The following BMP1 variants were observed in gnomAD, a reference collection of about 807,000 sequenced individuals.
BMP1 encodes bone morphogenetic protein 1.
A neutral mutation model predicts 116.8 loss-of-function variants in BMP1; 63 were observed. The observed-to-expected ratio is 0.54, with a 90% CI of 0.44 to 0.67. BMP1 has a LOEUF of 0.67. Ranked by LOEUF, BMP1 falls within the 30% of genes least tolerant of loss-of-function variation. The probability of loss-of-function intolerance (pLI) is 0.00; values close to 1 mark genes in which losing one functional copy is unlikely to be tolerated. For missense variants in BMP1, 1,183 were observed against 1,358.9 expected, an observed-to-expected ratio of 0.87 and a Z score of 2.04; for synonymous variants, 536 against 533.4, an observed-to-expected ratio of 1.00 and a Z score of -0.07.
Position 22,179,998 on chromosome 8 carries a change from G to C in BMP1, c.961+169G>C, listed in dbSNP as rs555186956. On this transcript the variant is annotated intron_variant, in intron 7 of 19. Coordinates refer to ENST00000306385, the MANE Select transcript of BMP1 (RefSeq NM_006129.5). The surrounding 1 kb of genome is among the most constrained non-coding windows in gnomAD (Gnocchi z 4.6). ...AGTGTCCAAGTGAAGGAGGCCGCTG[G>C]GGGTAGGCTCAGGTGGGTGGTCAGA... Among the ~76,000 whole-genome samples, 1 of 152,236 alleles carries C rather than the reference G, an allele frequency of 6.6e-6. No homozygotes were observed. Among genetic ancestry groups the C allele is most frequent in the South Asian group, 2.1e-4 (1 of 4,822 alleles).
At chr8:22,201,459 T>C in intron 15 of BMP1, 1 of 1,403,016 alleles carries the variant, frequency 7.1e-7, no homozygotes, top group Non-Finnish European at 9.2e-7. Flanking sequence ...GAGGGACCCC[T>C]GCGTCCTGCT....
intron 1 of BMP1, chr8:22,169,379 C>A (rs946585836): frequency 1.3e-5 from 2 of 152,382 alleles, no homozygotes; most frequent in Middle Eastern, 3.4e-3. Flanking sequence ...TCTAAGTGCG[C>A]CCTTGTCCTT....
In BMP1 at chr8:22,209,633, A is replaced by G; in HGVS notation, c.2764A>G (p.Met922Val). ...EEETDCGYDY[M>V]ELFDGYDSTA... ...GGAGACCGACTGCGGCTATGACTAC[A>G]TGGAGCTCTTCGACGGCTACGACAG... The change falls in exon 19 of 20, where the codon ATG (methionine) becomes GTG (valine). Residue 922 changes from methionine to valine, a missense_variant. Met to Val is a conservative substitution (Grantham distance 21). Around this residue, in one of 4 missense-constraint regions of BMP1, gnomAD observed 956 missense variants for 1,135.2 expected, o/e 0.84. Coordinates refer to ENST00000306385, the MANE Select transcript of BMP1 (RefSeq NM_006129.5). The G allele has an allele frequency of 1.2e-6, 2 of 1,614,052 alleles. No homozygotes were observed. Among genetic ancestry groups the G allele is most frequent in the Non-Finnish European group, 1.7e-6 (2 of 1,179,964 alleles).
chr8:22,207,881 TTTA>T (rs1020226641), intron 18 of BMP1, among the ~76,000 whole-genome samples: 2 of 152,116 alleles, frequency 1.3e-5, no homozygotes, highest in African/African-American at 4.8e-5. Flanking sequence ...TATTTTTATT[TTTA>T]TTTATTTTTT....
chr8:22,165,569 C>G lies in BMP1; in HGVS notation c.148+16C>G. 6.4e-7 allele frequency: 1 copy of G among 1,568,690 alleles called. No homozygotes were observed. The highest frequency in any genetic ancestry group is 8.6e-7 in the Non-Finnish European group (1 of 1,161,564). Reference sequence around the variant, plus strand: ...TGCAAGGCGGGTGAGCGCCCCCCGGCCCCCCGGCGACGGGCCAGGCGGGGA... The same window carrying G: ...TGCAAGGCGGGTGAGCGCCCCCCGGGCCCCCGGCGACGGGCCAGGCGGGGA... On this transcript the variant is annotated intron_variant, in intron 1 of 19. Coordinates refer to ENST00000306385, the MANE Select transcript of BMP1 (RefSeq NM_006129.5).
chr8:22,193,749 A>C (rs1045084180), intron 9 of BMP1, among the ~76,000 whole-genome samples: 11 of 152,340 alleles, frequency 7.2e-5, no homozygotes, highest in African/African-American at 2.6e-4. Context: ...GTGCCACTGC[A>C]CTCCAGCCTG....
intron 8 of BMP1, among the ~76,000 whole-genome samples, chr8:22,191,392 T>C (rs1173402333): frequency 6.6e-6 from 1 of 152,188 alleles, no homozygotes; most frequent in African/African-American, 2.4e-5. Context: ...GATTCAGATC[T>C]GGTGTCCTTT....
rs750027365 is a variant in BMP1, at chr8:22,177,156, CG to C, written c.730+19del. On this transcript the variant is annotated intron_variant, in intron 5 of 19. Transcript: ENST00000306385. The stretch of plus-strand genomic sequence containing the variant: ...TCCAGCCAGGTAGGTACCTGCCCCT[CG>C]GTGCGGCCTTGGTGGGCGGCTCCCG... The C allele has an allele frequency of 3.2e-6, 5 of 1,582,060 alleles. No homozygotes were observed. The highest frequency in any genetic ancestry group is 3.4e-6 in the Non-Finnish European group (4 of 1,161,108).
chr8:22,191,672 G>A (rs1163214249), intron 8 of BMP1, among the ~76,000 whole-genome samples: 1 of 152,184 alleles, frequency 6.6e-6, no homozygotes, highest in Non-Finnish European at 1.5e-5. Context: ...CTCTCCTCTT[G>A]GGACCCTTCG....
chr8:22,184,375 C>T (rs1477133764), intron 8 of BMP1, among the ~76,000 whole-genome samples: 1 of 152,220 alleles, frequency 6.6e-6, no homozygotes, highest in African/African-American at 2.4e-5. Context: ...GGGCTGCTCC[C>T]GCTGCAATTC....
chr8:22,195,691 G>T, intron 13 of BMP1, 104 bp downstream of exon 13: 1 of 1,491,530 alleles, frequency 6.7e-7, no homozygotes, highest in Non-Finnish European at 9.0e-7. Context: ...TGTCACCCAG[G>T]CTGGAAGTAC....
At chr8:22,191,897 G>A (rs1045740268) in intron 8 of BMP1, 152 bp from the exon 9 acceptor site, 8 of 600,052 alleles carry the variant, frequency 1.3e-5, no homozygotes, top group African/African-American at 7.4e-5. Flanking sequence ...GAGGAGGGGC[G>A]GTTCTGTGCC....
chr8:22,185,011 G>C (rs1407465406), intron 8 of BMP1, among the ~76,000 whole-genome samples: 2 of 152,188 alleles, frequency 1.3e-5, no homozygotes, highest in African/African-American at 4.8e-5. Context: ...TGCCTGTCAT[G>C]GGTATGTCAA....
At chr8:22,197,521 T>C in intron 15 of BMP1, 101 bp downstream of exon 15, 1 of 1,369,894 alleles carries the variant, frequency 7.3e-7, no homozygotes, top group Non-Finnish European at 1.0e-6. Flanking sequence ...CCCTCCCTGG[T>C]GCCAGGCAGG....
chr8:22,183,018 G>C (rs995313089), intron 8 of BMP1, among the ~76,000 whole-genome samples: 2 of 152,234 alleles, frequency 1.3e-5, no homozygotes, highest in Non-Finnish European at 2.9e-5. Context: ...TACGTGGACA[G>C]ATTTTTATTG....
intron 2 of BMP1, 26 bp from the exon 3 acceptor site, chr8:22,176,117 C>G: frequency 1.2e-6 from 2 of 1,611,672 alleles, no homozygotes; most frequent in Non-Finnish European, 1.7e-6. Flanking sequence ...TCTCCACTCA[C>G]TAGTCACCAT....
intron 15 of BMP1, among the ~76,000 whole-genome samples, chr8:22,200,411 C>A (rs545903725): frequency 1.3e-5 from 2 of 152,202 alleles, no homozygotes; most frequent in Admixed American, 6.5e-5. Flanking sequence ...CCTGTGTGTG[C>A]GTTGATATCT....
intron 1 of BMP1, among the ~76,000 whole-genome samples, chr8:22,172,168 G>T (rs1828298025): frequency 6.6e-6 from 1 of 152,214 alleles, no homozygotes; most frequent in South Asian, 2.1e-4. Flanking sequence ...GGCCTGTATA[G>T]CACTCTGCCT....
intron 2 of BMP1, among the ~76,000 whole-genome samples, chr8:22,174,491 G>T (rs1449549846): frequency 6.6e-6 from 1 of 152,098 alleles, no homozygotes; most frequent in African/African-American, 2.4e-5. Flanking sequence ...GTTCTTTCCA[G>T]TCCCTTACTG....
Sources: allele counts gnomAD v4.1 joint callset (sites outside exome capture counted in the v4.1 genomes callset), GRCh38; gene constraint gnomAD v4.1.1; regional missense constraint gnomAD v4.1.1; non-coding constraint Gnocchi (gnomAD v3.1); transcripts MANE v1.5; gene names NCBI Gene and HGNC (gene_info 2026-07-23, HGNC 2026-07-21).